RAB31: variants seen among roughly 807,000 people sequenced by gnomAD.
The protein encoded by RAB31 is RAB31, member RAS oncogene family, also known as ras-related protein Rab-31.
A neutral mutation model predicts 25.6 loss-of-function variants in RAB31; 21 were observed. That is an observed-to-expected ratio of 0.82 (90% CI 0.58 to 1.18). The LOEUF is 1.18. Among genes scored for constraint, RAB31 ranks in the 50% most tolerant of loss-of-function variants. The pLI is 0.00. For missense variants in RAB31, 196 were observed against 250.1 expected (o/e 0.78, Z 1.46); for synonymous variants, 87 against 84.0 (o/e 1.04, Z -0.20).
Position 9,861,103 on chromosome 18 carries a change from T to TAAAAA in RAB31, c.*1793_*1797dup, listed in dbSNP as rs536837791. ...AAATGATCATACCCCTTGCCAAAGG[T>TAAAAA]AAAAAAAAAAAAAAAAAAATGAGTT... is the stretch of plus-strand genomic sequence containing the variant. On this transcript the variant is annotated 3_prime_UTR_variant, in exon 7 of 7. Coordinates refer to ENST00000578921, the MANE Select transcript of RAB31 (RefSeq NM_006868.4). 8.7e-6 allele frequency: 1 copy of TAAAAA among 115,330 alleles called. No individual in the cohort carries two copies. The allele number at this position is 115,330 out of a possible 1,614,324, so 7.1% of individuals were successfully genotyped here. A position where few individuals can be genotyped will look rare whatever the true frequency, so the allele number is the denominator to read the frequency against.
chr18:9,849,263 C>T (rs593402), intron 6 of RAB31, among the ~76,000 whole-genome samples: 107,405 of 152,064 alleles, frequency 0.71, 38,006 homozygotes, highest in East Asian at 0.8. Flanking sequence ...TAGGTATGTG[C>T]CTGTTCTTCT....
intron 2 of RAB31, among the ~76,000 whole-genome samples, chr18:9,778,808 T>C (rs543573868): frequency 6.6e-6 from 1 of 152,324 alleles, no homozygotes; most frequent in South Asian, 2.1e-4. Flanking sequence ...ATTTACCTGC[T>C]AATACCTGAC....
At chr18:9,775,105 A>G (rs1179896604) in intron 1 of RAB31, among the ~76,000 whole-genome samples, 173 bp from the exon 2 acceptor site, 1 of 152,194 alleles carries the variant, frequency 6.6e-6, no homozygotes, top group Non-Finnish European at 1.5e-5. Flanking sequence ...ATACAATTTT[A>G]TTATAGAAAA....
chr18:9,802,343 T>G lies in RAB31; in HGVS notation c.201+10108T>G, dbSNP rs2068518116. 2.0e-5 allele frequency among the ~76,000 whole-genome samples: 3 copies of G among 152,214 alleles called. No homozygotes were observed. The South Asian group carries it at 6.2e-4, about 32-fold the overall frequency. The stretch of plus-strand genomic sequence containing the variant: ...GTCTTTCAACTCTTTGGAATTTACA[T>G]GTAGGTTAGAAATGCTGACCTCAGA... On this transcript the variant is annotated intron_variant, in intron 3 of 6. Coordinates refer to ENST00000578921, the MANE Select transcript of RAB31 (RefSeq NM_006868.4).
At chr18:9,779,565 G>A (rs2068391416) in intron 2 of RAB31, among the ~76,000 whole-genome samples, 1 of 152,216 alleles carries the variant, frequency 6.6e-6, no homozygotes, top group African/African-American at 2.4e-5. Context: ...CTGTTAACTT[G>A]TTATTAAGTT....
chr18:9,719,197 G>T (rs1457617526), intron 1 of RAB31, among the ~76,000 whole-genome samples: 1 of 143,550 alleles, frequency 7.0e-6, no homozygotes, highest in East Asian at 2.1e-4. Context: ...TTGAACCTAG[G>T]AGGTGGAGGT....
chr18:9,775,306 T>G lies in RAB31; in HGVS notation c.68T>G (p.Val23Gly). The change falls in exon 2 of 7, where the codon GTG (valine) becomes GGG (glycine). Residue 23 changes from valine (V) to glycine (G), a missense_variant. By Grantham distance (109) the Val-to-Gly change is moderately radical (BLOSUM62 -3). Coordinates refer to ENST00000578921, the MANE Select transcript of RAB31 (RefSeq NM_006868.4). ...ACTGGGGTTGGGAAATCAAGCATCGTGTGTCGATTTGTCCAGGATCACTTT... is the reference window on the plus strand; with the variant it reads ...ACTGGGGTTGGGAAATCAAGCATCGGGTGTCGATTTGTCCAGGATCACTTT... ...GDTGVGKSSI[V>G]CRFVQDHFDH... The G allele has an allele frequency of 6.2e-7, 1 of 1,613,880 alleles. No individual in the cohort carries two copies. Among genetic ancestry groups the G allele is most frequent in the Non-Finnish European group, 8.5e-7 (1 of 1,179,820 alleles).
chr18:9,846,283 C>T (rs533088344), intron 6 of RAB31, among the ~76,000 whole-genome samples: 1 of 152,294 alleles, frequency 6.6e-6, no homozygotes, highest in East Asian at 1.9e-4. Context: ...CCGGGAATAA[C>T]CTTATCAACC....
chr18:9,798,657 C>T (rs1027345981), intron 3 of RAB31, among the ~76,000 whole-genome samples: 1 of 151,920 alleles, frequency 6.6e-6, no homozygotes, highest in African/African-American at 2.4e-5. Context: ...CACACTCTGT[C>T]AGCCAGGCTG....
At chr18:9,828,414 G>A (rs1020223951) in intron 5 of RAB31, among the ~76,000 whole-genome samples, 1 of 152,148 alleles carries the variant, frequency 6.6e-6, no homozygotes, top group African/African-American at 2.4e-5. Flanking sequence ...ATCCTCCAAG[G>A]AGGCTGTGGG....
intron 5 of RAB31, among the ~76,000 whole-genome samples, chr18:9,829,646 C>T (rs1298502941): frequency 1.3e-5 from 2 of 152,210 alleles, no homozygotes; most frequent in South Asian, 2.1e-4. Flanking sequence ...ATGGAATATG[C>T]CAATCGTGTG....
At position 9,845,617 on chromosome 18, in the gene RAB31, A is replaced by C; in HGVS notation, c.416A>C (p.Glu139Ala). Residue 139 changes from glutamate to alanine, a missense_variant, in exon 6 of 7, where the codon GAA becomes GCA. Coordinates refer to ENST00000578921, the MANE Select transcript of RAB31 (RefSeq NM_006868.4). ...CTGAAGGATGCTAAGGAATACGCTG[A>C]ATCCATAGGTGCCATCGTGGTTGAG... ...VPLKDAKEYA[E>A]SIGAIVVETS... 1 of 1,567,452 alleles carries C rather than the reference A, an allele frequency of 6.4e-7. No individual in the cohort carries two copies. The highest frequency in any genetic ancestry group is 8.7e-7 in the Non-Finnish European group (1 of 1,155,912).
chr18:9,789,390 T>C (rs921151576), intron 2 of RAB31, among the ~76,000 whole-genome samples: 1 of 152,188 alleles, frequency 6.6e-6, no homozygotes, highest in Non-Finnish European at 1.5e-5. Flanking sequence ...TTTTGGGTGT[T>C]CACAACACCA....
chr18:9,845,839 G>C, intron 6 of RAB31, 148 bp downstream of exon 6: 1 of 1,221,214 alleles, frequency 8.2e-7, no homozygotes, highest in South Asian at 1.8e-5. Context: ...CTATGCAGTT[G>C]TTAATACCCA....
rs1048914355 is a variant in RAB31 at position 9,766,179 on chromosome 18, C to G, written c.40-9099C>G. 2.6e-5 allele frequency among the ~76,000 whole-genome samples: 4 copies of G among 152,122 alleles called. No individual in the cohort carries two copies. The highest frequency in any genetic ancestry group is 5.9e-5 in the Non-Finnish European group (4 of 68,016). On this transcript the variant is annotated intron_variant, in intron 1 of 6. Coordinates refer to ENST00000578921, the MANE Select transcript of RAB31 (RefSeq NM_006868.4). This position sits in a 1 kb window ranked among gnomAD's most constrained non-coding sequence, Gnocchi z 4.3. Reference sequence around the variant, plus strand: ...CTGTAGAAAGGGGAGGAGTAGCCATCCAGTAACCCTGGCCTGGATTGCTAA... The same window carrying G: ...CTGTAGAAAGGGGAGGAGTAGCCATGCAGTAACCCTGGCCTGGATTGCTAA...
At chr18:9,774,374 C>T (rs2068361247) in intron 1 of RAB31, among the ~76,000 whole-genome samples, 1 of 152,156 alleles carries the variant, frequency 6.6e-6, no homozygotes, top group African/African-American at 2.4e-5. Flanking sequence ...GCCTGGGGCT[C>T]CAAGGGTATG....
intron 1 of RAB31, among the ~76,000 whole-genome samples, chr18:9,723,324 A>C (rs905859790): frequency 2.0e-5 from 3 of 152,138 alleles, no homozygotes; most frequent in African/African-American, 7.2e-5. Context: ...CTAGGATTAC[A>C]GGCGTGAGCC....
intron 6 of RAB31, among the ~76,000 whole-genome samples, chr18:9,857,693 TA>T (rs372580502): frequency 0.041 from 5,438 of 133,710 alleles, 164 homozygotes; most frequent in African/African-American, 0.097. Flanking sequence ...AGATGATAGA[TA>T]GATAGATAGA....
At chr18:9,757,467 G>A (rs896812423) in intron 1 of RAB31, among the ~76,000 whole-genome samples, 1 of 152,214 alleles carries the variant, frequency 6.6e-6, no homozygotes, top group Non-Finnish European at 1.5e-5. Context: ...TCATCTCTGT[G>A]TGCTAAAGAC....
Sources: allele counts gnomAD v4.1 joint callset (sites outside exome capture counted in the v4.1 genomes callset), GRCh38; gene constraint gnomAD v4.1.1; non-coding constraint Gnocchi (gnomAD v3.1); transcripts MANE v1.5; gene names NCBI Gene and HGNC (gene_info 2026-07-23, HGNC 2026-07-21).